The following SHANK2 variants were observed in gnomAD, a reference collection of about 807,000 sequenced individuals.
SHANK2 encodes the protein SH3 and multiple ankyrin repeat domains 2, also known as SH3 and multiple ankyrin repeat domains protein 2.
SHANK2 carries 43 observed loss-of-function variants against 133.7 expected under a neutral mutation model. The observed-to-expected ratio is 0.32, with a 90% confidence interval of 0.25 to 0.41. The LOEUF is 0.41. Ranked by LOEUF, SHANK2 falls within the 10% of genes least tolerant of loss-of-function variation. The pLI is 1.00. For synonymous variants in SHANK2, 1,017 were observed against 952.8 expected, an observed-to-expected ratio of 1.07 and a Z score of -1.24; for missense variants, 1,994 against 2,235.8, an observed-to-expected ratio of 0.89 and a Z score of 2.18.
chr11:70,947,353 A>AT (rs71049955), intron 10 of SHANK2, among the ~76,000 whole-genome samples: 40,386 of 133,028 alleles, frequency 0.3, 6,460 homozygotes, highest in East Asian at 0.33. Flanking sequence ...TGACATCTAC[A>AT]TTTTTTTTTT....
intron 21 of SHANK2, among the ~76,000 whole-genome samples, chr11:70,496,305 G>GT (rs1247619552): frequency 6.6e-6 from 1 of 152,176 alleles, no homozygotes. Flanking sequence ...CCATGTGTCT[G>GT]TTTTTTATGT....
chr11:70,527,262 GC>G (rs1554972341), intron 17 of SHANK2, among the ~76,000 whole-genome samples: 1 of 152,194 alleles, frequency 6.6e-6, no homozygotes, highest in Non-Finnish European at 1.5e-5. Context: ...TGTAGTTAAA[GC>G]CTCCTGGGGA....
At chr11:70,778,907 C>T (rs552000576) in intron 14 of SHANK2, among the ~76,000 whole-genome samples, 2 of 152,262 alleles carry the variant, frequency 1.3e-5, no homozygotes, top group East Asian at 3.9e-4. Flanking sequence ...CCTCTGCCCA[C>T]AGTGGCCACT....
At chr11:70,932,741 C>A (rs534356052) in intron 10 of SHANK2, among the ~76,000 whole-genome samples, 51 of 152,264 alleles carry the variant, frequency 3.3e-4, no homozygotes, top group South Asian at 1.5e-3. Context: ...TAGGCTCATG[C>A]CTTCCATACA....
intron 17 of SHANK2, among the ~76,000 whole-genome samples, chr11:70,588,825 C>T (rs1245612318): frequency 1.3e-5 from 2 of 152,194 alleles, no homozygotes; most frequent in African/African-American, 4.8e-5. Flanking sequence ...ACAAGACATC[C>T]TTCTTTTTTT....
chr11:71,163,825 G>C (rs1351530870), intron 2 of SHANK2, among the ~76,000 whole-genome samples: 4 of 152,194 alleles, frequency 2.6e-5, no homozygotes, highest in Non-Finnish European at 5.9e-5. Flanking sequence ...TCTTCAACAG[G>C]GAGGCTGGAG....
At chr11:70,753,370 A>G (rs1195006628) in intron 14 of SHANK2, among the ~76,000 whole-genome samples, 6 of 152,304 alleles carry the variant, frequency 3.9e-5, no homozygotes, top group Admixed American at 3.3e-4. Context: ...TAACGAGCAT[A>G]ATATACATTC....
intron 6 of SHANK2, among the ~76,000 whole-genome samples, chr11:71,103,035 G>T (rs1200508044): frequency 6.6e-6 from 1 of 152,228 alleles, no homozygotes; most frequent in African/African-American, 2.4e-5. Context: ...AGCTCTCTCT[G>T]CCTCTTTTGT....
At chr11:70,915,403 T>C (rs1555079705) in intron 10 of SHANK2, among the ~76,000 whole-genome samples, 1 of 152,188 alleles carries the variant, frequency 6.6e-6, no homozygotes, top group Non-Finnish European at 1.5e-5. Flanking sequence ...GGACAGATAA[T>C]GAGAGACAAT....
At chr11:70,651,698 T>C (rs1477930725) in intron 17 of SHANK2, among the ~76,000 whole-genome samples, 2 of 152,212 alleles carry the variant, frequency 1.3e-5, no homozygotes, top group African/African-American at 4.8e-5. Context: ...TCAAGAGGGA[T>C]GCAGGACAGA....
chr11:70,670,195 G>T (rs1555015718), intron 15 of SHANK2, among the ~76,000 whole-genome samples: 1 of 152,228 alleles, frequency 6.6e-6, no homozygotes, highest in Non-Finnish European at 1.5e-5. Context: ...GGGCCTGAGA[G>T]CAGCTTCGCT....
intron 9 of SHANK2, among the ~76,000 whole-genome samples, chr11:71,073,302 G>A (rs913965625): frequency 1.8e-4 from 27 of 151,542 alleles, no homozygotes; most frequent in Admixed American, 2.6e-4. Context: ...GGGATTACAG[G>A]CACATGCCAT....
At chr11:70,644,577 C>G (rs925782274) in intron 17 of SHANK2, among the ~76,000 whole-genome samples, 1 of 152,250 alleles carries the variant, frequency 6.6e-6, no homozygotes, top group Non-Finnish European at 1.5e-5. Context: ...GCAGCCCTCC[C>G]GCATGGCAGC....
intron 17 of SHANK2, among the ~76,000 whole-genome samples, chr11:70,601,953 T>C (rs2060503554): frequency 6.6e-6 from 1 of 152,202 alleles, no homozygotes; most frequent in South Asian, 2.1e-4. Context: ...ACAGTTTGGA[T>C]ATTTAACCCT....
intron 17 of SHANK2, among the ~76,000 whole-genome samples, chr11:70,644,495 A>G (rs140617802): frequency 0.011 from 1,609 of 152,340 alleles, 36 homozygotes; most frequent in African/African-American, 0.037. Context: ...GATGGGTCCC[A>G]GGCTGGATAC....
At chr11:70,527,769 G>T (rs1392269409) in intron 17 of SHANK2, among the ~76,000 whole-genome samples, 4 of 152,240 alleles carry the variant, frequency 2.6e-5, no homozygotes, top group South Asian at 2.1e-4. Flanking sequence ...CTACGAATGT[G>T]CCTGACTCTC....
At chr11:71,147,884 G>C (rs1277516445) in intron 2 of SHANK2, among the ~76,000 whole-genome samples, 3 of 152,220 alleles carry the variant, frequency 2.0e-5, no homozygotes, top group Non-Finnish European at 4.4e-5. Flanking sequence ...GCCAGGGCCA[G>C]GCCCACAGAT....
At chr11:70,759,413 C>T (rs1000869458) in intron 14 of SHANK2, among the ~76,000 whole-genome samples, 4 of 151,238 alleles carry the variant, frequency 2.6e-5, no homozygotes, top group Admixed American at 6.6e-5. Flanking sequence ...ACCCGGGAGG[C>T]GGAGGTTGCA....
At chr11:70,503,330 G>A (rs1591512938) in intron 17 of SHANK2, among the ~76,000 whole-genome samples, 2 of 152,184 alleles carry the variant, frequency 1.3e-5, no homozygotes, top group East Asian at 3.9e-4. Flanking sequence ...GAGTTCCAGG[G>A]CTGGGCTGCA....
Sources: allele counts gnomAD v4.1 joint callset (sites outside exome capture counted in the v4.1 genomes callset), GRCh38; gene constraint gnomAD v4.1.1; transcripts MANE v1.5; gene names NCBI Gene and HGNC (gene_info 2026-07-23, HGNC 2026-07-21).